Variants in GPCPD1 observed in about 807,000 individuals in gnomAD.
GPCPD1 encodes the protein glycerophosphocholine phosphodiesterase GPCPD1.
Under a neutral mutation model 89.2 loss-of-function variants are expected in GPCPD1, and 29 were observed. That is an observed-to-expected ratio of 0.33 (90% CI 0.24 to 0.44). The LOEUF (loss-of-function observed/expected upper bound fraction) is 0.44. GPCPD1 is among the 20% of genes least tolerant of loss of function. The probability of loss-of-function intolerance (pLI) is 1.00; values close to 1 mark genes in which losing one functional copy is unlikely to be tolerated. For missense variants in GPCPD1, 594 were observed against 808.9 expected (o/e 0.73, Z 3.22); for synonymous variants, 258 against 266.3 (o/e 0.97, Z 0.30).
chr20:5,557,493 G>A (rs914928588), intron 19 of GPCPD1, among the ~76,000 whole-genome samples: 1 of 152,210 alleles, frequency 6.6e-6, no homozygotes, highest in Non-Finnish European at 1.5e-5. Context: ...AATATGGTCT[G>A]AATTGTCACT....
At chr20:5,569,881 G>T (rs551063255) in intron 12 of GPCPD1, among the ~76,000 whole-genome samples, 2 of 151,952 alleles carry the variant, frequency 1.3e-5, no homozygotes, top group African/African-American at 4.8e-5. Flanking sequence ...TAGACAGACC[G>T]CTACAGAAAC....
At chr20:5,563,129 C>G (rs1236649179) in intron 15 of GPCPD1, among the ~76,000 whole-genome samples, 1 of 152,006 alleles carries the variant, frequency 6.6e-6, no homozygotes, top group Non-Finnish European at 1.5e-5. Context: ...ACTACAGGCA[C>G]CCGCCACCAC....
intron 5 of GPCPD1, chr20:5,584,616 A>G (rs1331646980): frequency 5.3e-6 from 1 of 190,108 alleles, no homozygotes; most frequent in Non-Finnish European, 1.1e-5. Context: ...CTTCTACACT[A>G]ACCAATGTAC....
At position 5,561,448 on chromosome 20, in the gene GPCPD1, C is replaced by A; in HGVS notation, c.1395+17G>T. On this transcript the variant is annotated intron_variant, in intron 16 of 19. Coordinates refer to ENST00000379019, the MANE Select transcript of GPCPD1 (RefSeq NM_019593.5). ...GGCATAGAGAGTATAGAATGTGCTG[C>A]ATAGAGAATTACTTACCCTTTGCTG... is the stretch of plus-strand genomic sequence containing the variant. 7.0e-7 allele frequency: 1 copy of A among 1,429,726 alleles called. No individual in the cohort carries two copies. The allele number at this position is 1,429,726 out of a possible 1,614,324, so 88.6% of individuals were successfully genotyped here. A position where few individuals can be genotyped will look rare whatever the true frequency, so the allele number is the denominator to read the frequency against.
chr20:5,545,430 GCA>G lies in GPCPD1; in HGVS notation c.*2229_*2230del, dbSNP rs1287212963. On this transcript the variant is annotated 3_prime_UTR_variant, in exon 20 of 20. Coordinates refer to ENST00000379019, the MANE Select transcript of GPCPD1 (RefSeq NM_019593.5). ...GCCTGATCAAGGTACGAGCCGTGGAGCACAAAGACGGATTCATCCTTCCTGAA... is the reference window on the plus strand; with the variant it reads ...GCCTGATCAAGGTACGAGCCGTGGAGCAAAGACGGATTCATCCTTCCTGAA... 6.6e-6 allele frequency: 1 copy of G among 152,204 alleles called. No homozygotes were observed. The highest frequency in any genetic ancestry group is 1.9e-4 in the East Asian group (1 of 5,188). The allele number at this position is 152,204 out of a possible 1,614,324, so 9.4% of individuals were successfully genotyped here. A position where few individuals can be genotyped will look rare whatever the true frequency, so the allele number is the denominator to read the frequency against.
intron 1 of GPCPD1, among the ~76,000 whole-genome samples, chr20:5,607,304 G>C (rs920131915): frequency 6.8e-6 from 1 of 146,904 alleles, no homozygotes; most frequent in African/African-American, 2.5e-5. Flanking sequence ...AAGAAAGAAA[G>C]AAAAAAGGCC....
intron 3 of GPCPD1, among the ~76,000 whole-genome samples, chr20:5,595,958 G>A (rs940948460): frequency 3.3e-5 from 5 of 152,106 alleles, no homozygotes; most frequent in Non-Finnish European, 7.4e-5. Flanking sequence ...CAATCTCCAG[G>A]AGCAGGATCT....
At chr20:5,578,685 C>T in intron 7 of GPCPD1, 74 bp from the exon 8 acceptor site, 3 of 919,980 alleles carry the variant, frequency 3.3e-6, no homozygotes, top group Non-Finnish European at 5.2e-6. Flanking sequence ...TGCCTAAATT[C>T]TACATTTTAA....
intron 7 of GPCPD1, among the ~76,000 whole-genome samples, chr20:5,579,404 G>A (rs1978321411): frequency 6.6e-6 from 1 of 152,132 alleles, no homozygotes; most frequent in Non-Finnish European, 1.5e-5. Flanking sequence ...CTGGAATGCA[G>A]TGGTGCGATC....
chr20:5,599,678 C>T (rs1286312035), intron 2 of GPCPD1, among the ~76,000 whole-genome samples: 1 of 151,814 alleles, frequency 6.6e-6, no homozygotes, highest in Non-Finnish European at 1.5e-5. Context: ...CCTCAGCCTC[C>T]CTAGTAGCTG....
At chr20:5,604,695 T>C (rs539142400) in intron 1 of GPCPD1, among the ~76,000 whole-genome samples, 88 of 137,868 alleles carry the variant, frequency 6.4e-4, no homozygotes, top group African/African-American at 2.4e-3. Context: ...ATACAAACAC[T>C]TAAGGAGGCT....
chr20:5,584,528 C>A, intron 5 of GPCPD1: 2 of 342,200 alleles, frequency 5.8e-6, no homozygotes, highest in Non-Finnish European at 1.1e-5. Flanking sequence ...TTCTTACATA[C>A]TTCGTTGATT....
chr20:5,560,960 GT>G (rs1986046331), intron 16 of GPCPD1, among the ~76,000 whole-genome samples: 1 of 152,092 alleles, frequency 6.6e-6, no homozygotes, highest in Non-Finnish European at 1.5e-5. Flanking sequence ...TGGACTACTT[GT>G]CCCGAGCACT....
At chr20:5,597,910 T>C (rs1207360706) in intron 3 of GPCPD1, among the ~76,000 whole-genome samples, 1 of 152,178 alleles carries the variant, frequency 6.6e-6, no homozygotes, top group Non-Finnish European at 1.5e-5. Context: ...AAGTATGTGT[T>C]CCACTCTCTG....
At chr20:5,581,813 AC>A (rs1337814788) in intron 6 of GPCPD1, among the ~76,000 whole-genome samples, 165 of 82,816 alleles carry the variant, frequency 2.0e-3, no homozygotes, top group Non-Finnish European at 2.4e-3. Flanking sequence ...TGGGACTTTA[AC>A]TTTTTTTTTT....
chr20:5,595,890 A>C (rs753174919), intron 3 of GPCPD1, among the ~76,000 whole-genome samples: 4 of 152,176 alleles, frequency 2.6e-5, no homozygotes, highest in African/African-American at 2.4e-5. Flanking sequence ...AGTGCAGAGT[A>C]GAATTACTAA....
chr20:5,549,089 G>C (rs1355243766), intron 19 of GPCPD1: 1 of 649,218 alleles, frequency 1.5e-6, no homozygotes, highest in African/African-American at 1.8e-5. Context: ...TTTAATGTCT[G>C]GCTGTGACTA....
intron 19 of GPCPD1, among the ~76,000 whole-genome samples, chr20:5,557,050 G>A (rs1361329673): frequency 2.0e-5 from 3 of 152,186 alleles, no homozygotes; most frequent in Non-Finnish European, 2.9e-5. Context: ...AAATTGTTAC[G>A]GAAGTCTTTC....
At position 5,546,884 on chromosome 20, in the gene GPCPD1, A is replaced by G. The variant is rs938915915; in HGVS notation, c.*777T>C. 2 of 152,616 alleles carry G rather than the reference A, an allele frequency of 1.3e-5. No homozygotes were observed. Among genetic ancestry groups the G allele is most frequent in the African/African-American group, 4.8e-5 (2 of 41,442 alleles). 9.5% of individuals were successfully genotyped at this position (152,616 alleles called of 1,614,324 possible). On this transcript the variant is annotated 3_prime_UTR_variant, in exon 20 of 20. Coordinates refer to ENST00000379019, the MANE Select transcript of GPCPD1 (RefSeq NM_019593.5). Reference sequence around the variant, plus strand: ...AAGGACCTAACAGTAAACATGTACAATCTCATGCTTAACACCTAAAGCATG... The same window carrying G: ...AAGGACCTAACAGTAAACATGTACAGTCTCATGCTTAACACCTAAAGCATG...
Sources: gnomAD v4.1 joint callset for allele counts (sites outside exome capture counted in the v4.1 genomes callset) on GRCh38, gnomAD v4.1.1 for gene constraint, MANE v1.5 for transcripts, NCBI Gene and HGNC (gene_info 2026-07-23, HGNC 2026-07-21) for gene names.